Variants in MYCBP2 observed in about 807,000 individuals in gnomAD.
MYCBP2 encodes E3 ubiquitin-protein ligase MYCBP2.
Under a neutral mutation model 525.3 loss-of-function variants are expected in MYCBP2, and 120 were observed. The observed-to-expected ratio is 0.23, with a 90% CI of 0.20 to 0.27. The LOEUF (loss-of-function observed/expected upper bound fraction) is 0.27. Ranked by LOEUF, MYCBP2 falls within the 10% of genes least tolerant of loss-of-function variation. MYCBP2 has a pLI of 1.00. For synonymous variants in MYCBP2, 1,894 were observed against 1,955.8 expected, an observed-to-expected ratio of 0.97 and a Z score of 0.83; for missense variants, 4,149 against 5,657.1, an observed-to-expected ratio of 0.73 and a Z score of 8.55.
intron 52 of MYCBP2, among the ~76,000 whole-genome samples, chr13:77,137,040 G>C (rs2053863806): frequency 6.6e-6 from 1 of 152,066 alleles, no homozygotes; most frequent in Non-Finnish European, 1.5e-5. Flanking sequence ...AGACACTCTT[G>C]AGCTGTTTAC....
At position 77,304,206 on chromosome 13, in the gene MYCBP2, C is replaced by G. The variant is rs1005011936; in HGVS notation, c.303-7532G>C. Among the ~76,000 whole-genome samples, 4 of 151,980 alleles carry G rather than the reference C, an allele frequency of 2.6e-5. No homozygotes were observed. The East Asian group carries it at 7.7e-4, about 29-fold the overall frequency. On this transcript the variant is annotated intron_variant, in intron 1 of 82. Transcript: ENST00000544440. Reference sequence around the variant, plus strand: ...TTCACTGCTACACTATTCACAATAGCCAAGATGTGGAATCAACCTACGTTT... The same window carrying G: ...TTCACTGCTACACTATTCACAATAGGCAAGATGTGGAATCAACCTACGTTT...
intron 79 of MYCBP2, among the ~76,000 whole-genome samples, chr13:77,056,102 GTGTGTGTGTGTGTGTGTGTGTGTGTGTGT>G (rs2037942409): frequency 5.9e-5 from 3 of 50,972 alleles, no homozygotes; most frequent in African/African-American, 1.7e-4. Flanking sequence ...TGTGTTTGGT[GTGTGTGTGTGTGTGTGTGTGTGTGTGTGT>G]GTGTGTGTGT....
At chr13:77,302,705 A>G (rs2078934770) in intron 1 of MYCBP2, among the ~76,000 whole-genome samples, 2 of 152,196 alleles carry the variant, frequency 1.3e-5, no homozygotes, top group African/African-American at 2.4e-5. Flanking sequence ...TGCTAAAAGG[A>G]CAGAAAAAGA....
At chr13:77,217,681 G>T (rs961211212) in intron 21 of MYCBP2, among the ~76,000 whole-genome samples, 159 bp downstream of exon 21, 2 of 152,040 alleles carry the variant, frequency 1.3e-5, no homozygotes, top group Admixed American at 6.6e-5. Context: ...TATCATTCAG[G>T]TTTAGTGTGT....
At chr13:77,074,007 C>CCG (rs200444498) in intron 68 of MYCBP2, among the ~76,000 whole-genome samples, 2 of 140,594 alleles carry the variant, frequency 1.4e-5, no homozygotes, top group African/African-American at 5.1e-5. Context: ...CCACCGCCCC[C>CCG]CCCCCTTTTT....
chr13:77,273,742 AC>A lies in MYCBP2; in HGVS notation c.749-75del, dbSNP rs1309721988. 16 of 1,176,112 alleles carry A rather than the reference AC, an allele frequency of 1.4e-5. 1 individual carries two copies. The South Asian group carries it at 4.1e-4, about 30-fold the overall frequency. 72.9% of individuals were successfully genotyped at this position (1,176,112 alleles called of 1,614,324 possible). A position where few individuals can be genotyped will look rare whatever the true frequency, so the allele number is the denominator to read the frequency against. On this transcript the variant is annotated intron_variant, in intron 4 of 82. Coordinates refer to ENST00000544440, the MANE Select transcript of MYCBP2 (RefSeq NM_015057.5). ...TATATGCGTATATTTATTTATTTTT[AC>A]TTTGTCTCATTATAAACGAAATTTA...
intron 29 of MYCBP2, 68 bp from the exon 30 acceptor site, chr13:77,189,115 A>C: frequency 8.8e-7 from 1 of 1,137,358 alleles, no homozygotes; most frequent in Non-Finnish European, 1.2e-6. Context: ...TTTAAAGTAT[A>C]TTATACATTT....
At chr13:77,199,466 G>A (rs1447600277) in intron 26 of MYCBP2, among the ~76,000 whole-genome samples, 1 of 152,238 alleles carries the variant, frequency 6.6e-6, no homozygotes, top group African/African-American at 2.4e-5. Flanking sequence ...GGCTGGGGGA[G>A]GGGCGCCCGC....
intron 33 of MYCBP2, among the ~76,000 whole-genome samples, chr13:77,181,375 A>G (rs1002135919): frequency 2.6e-5 from 4 of 152,164 alleles, no homozygotes; most frequent in Admixed American, 6.5e-5. Flanking sequence ...ATTAGAATGT[A>G]AAGTATCTGC....
chr13:77,249,460 G>A (rs1035176076), intron 15 of MYCBP2, among the ~76,000 whole-genome samples: 8 of 152,160 alleles, frequency 5.3e-5, no homozygotes, highest in South Asian at 2.1e-4. Context: ...AGGAAAAAAC[G>A]AAGAATAATT....
rs543784490 is a variant in MYCBP2 at position 77,089,702 on chromosome 13, T to C, written c.10525+404A>G. 6.6e-5 allele frequency among the ~76,000 whole-genome samples: 10 copies of C among 152,040 alleles called. No individual in the cohort carries two copies. In the South Asian group the frequency reaches 2.1e-3, roughly 32 times the overall value. ...GCTATTTATATCCCCAAAGTTTTAT[T>C]ATCTACTTAGAATGATGGCAGCTCC... On this transcript the variant is annotated intron_variant, in intron 60 of 82. Transcript: ENST00000544440.
chr13:77,227,481 TACACACACACACAC>T (rs71704593), intron 18 of MYCBP2, among the ~76,000 whole-genome samples: 2 of 145,182 alleles, frequency 1.4e-5, no homozygotes, highest in African/African-American at 2.5e-5. Context: ...CACACACACA[TACACACACACACAC>T]ACACACACAC....
intron 18 of MYCBP2, among the ~76,000 whole-genome samples, chr13:77,227,359 A>C (rs2154297416): frequency 6.6e-6 from 1 of 151,782 alleles, no homozygotes; most frequent in South Asian, 2.1e-4. Context: ...AAAAAAAAAA[A>C]AACCAACAAC....
intron 26 of MYCBP2, 52 bp from the exon 27 acceptor site, chr13:77,194,296 A>T (rs1302533293): frequency 7.6e-7 from 1 of 1,316,782 alleles, no homozygotes; most frequent in Admixed American, 1.7e-5. Flanking sequence ...TACATATCTG[A>T]TGAACAATGT....
chr13:77,177,895 T>C lies in MYCBP2; in HGVS notation c.5193A>G (p.Thr1731=). ...CAGTGTTCCAACTTCTGCCCTGACT[T>C]GTTTTTGTAAATCGGTTAGCACTAG... ...VKASANRFTK[T]SQGRSWNTGN... Residue 1731 remains threonine, a synonymous_variant, in exon 35 of 83, where the codon ACA becomes ACG. Coordinates refer to ENST00000544440, the MANE Select transcript of MYCBP2 (RefSeq NM_015057.5). 6.2e-7 allele frequency: 1 copy of C among 1,613,920 alleles called. No individual in the cohort carries two copies. The highest frequency in any genetic ancestry group is 8.5e-7 in the Non-Finnish European group (1 of 1,179,796).
intron 47 of MYCBP2, among the ~76,000 whole-genome samples, chr13:77,150,206 C>T (rs955377950): frequency 6.6e-6 from 1 of 152,112 alleles, no homozygotes; most frequent in African/African-American, 2.4e-5. Context: ...TTTGAGAGAA[C>T]CCAAAATTGA....
chr13:77,259,422 C>T (rs2072845660), intron 13 of MYCBP2, among the ~76,000 whole-genome samples: 3 of 152,148 alleles, frequency 2.0e-5, no homozygotes. Context: ...AATGTATCAC[C>T]CATGCTCAAT....
chr13:77,134,639 T>C (rs1468533947), intron 52 of MYCBP2, among the ~76,000 whole-genome samples: 1 of 151,892 alleles, frequency 6.6e-6, no homozygotes, highest in East Asian at 1.9e-4. Context: ...TAATTGATAA[T>C]GAATGCCTCA....
intron 8 of MYCBP2, among the ~76,000 whole-genome samples, chr13:77,265,121 C>G (rs983690973): frequency 1.3e-5 from 2 of 151,990 alleles, no homozygotes; most frequent in Non-Finnish European, 2.9e-5. Context: ...CAGGCAGACC[C>G]TTACCAAATA....
Sources: gnomAD v4.1 joint callset for allele counts (sites outside exome capture counted in the v4.1 genomes callset) on GRCh38, gnomAD v4.1.1 for gene constraint, MANE v1.5 for transcripts, NCBI Gene and HGNC (gene_info 2026-07-23, HGNC 2026-07-21) for gene names.